The following MACROH2A2 variants were observed in gnomAD, a reference collection of about 807,000 sequenced individuals.
The protein encoded by MACROH2A2 is core histone macro-H2A.2.
Under a neutral mutation model 37.6 loss-of-function variants are expected in MACROH2A2, and 6 were observed. The observed-to-expected ratio is 0.16, with a 90% CI of 0.09 to 0.32. The LOEUF is 0.32. Among genes scored for constraint, MACROH2A2 ranks in the 10% least tolerant of loss-of-function variants. The pLI is 1.00. For missense variants in MACROH2A2, 290 were observed against 485.9 expected (o/e 0.60, Z 3.79); for synonymous variants, 192 against 202.7 (o/e 0.95, Z 0.45).
chr10:70,083,075 AG>A (rs1352675931), intron 2 of MACROH2A2, among the ~76,000 whole-genome samples: 1 of 151,788 alleles, frequency 6.6e-6, no homozygotes, highest in East Asian at 1.9e-4. Flanking sequence ...AACAGGGTAT[AG>A]CCCCCCTGCA....
chr10:70,094,987 C>T (rs904218967), intron 5 of MACROH2A2, among the ~76,000 whole-genome samples: 4 of 152,156 alleles, frequency 2.6e-5, no homozygotes, highest in Non-Finnish European at 4.4e-5. Flanking sequence ...CCCTGGGCTT[C>T]CTTGCAGGAG....
Position 70,100,281 on chromosome 10 carries a change from T to A in MACROH2A2, c.762T>A (p.Pro254=). The change falls in exon 7 of 9, where the codon CCT becomes CCA. Residue 254 remains proline, a synonymous_variant. Transcript: ENST00000373255. ...AGGAGCTTCGCAAATCCCAAGGCCC[T>A]TTGGAAGTCGCCGAAGGTAAGTGTG... ...TVKELRKSQG[P]LEVAEAAVSQ... The A allele has an allele frequency of 6.2e-7, 1 of 1,602,850 alleles. No homozygotes were observed. Among genetic ancestry groups the A allele is most frequent in the Non-Finnish European group, 8.5e-7 (1 of 1,170,740 alleles).
chr10:70,071,952 G>A (rs2072113734), intron 1 of MACROH2A2, among the ~76,000 whole-genome samples: 2 of 152,108 alleles, frequency 1.3e-5, no homozygotes. Context: ...TACCGTACAT[G>A]TTAGCTACAC....
chr10:70,088,275 TCACGCA>T (rs1394506537), intron 2 of MACROH2A2, among the ~76,000 whole-genome samples: 9 of 150,538 alleles, frequency 6.0e-5, no homozygotes, highest in African/African-American at 1.7e-4. Context: ...CACAGTACAT[TCACGCA>T]CACGCACACA....
At chr10:70,059,655 G>A (rs6480436) in intron 1 of MACROH2A2, among the ~76,000 whole-genome samples, 81 of 152,246 alleles carry the variant, frequency 5.3e-4, no homozygotes, top group African/African-American at 1.8e-3. Flanking sequence ...ACAGGCGTGA[G>A]CCACCGCGCC....
intron 4 of MACROH2A2, among the ~76,000 whole-genome samples, chr10:70,093,053 G>A (rs2072255790): frequency 6.6e-6 from 1 of 151,834 alleles, no homozygotes; most frequent in South Asian, 2.1e-4. Context: ...CCAGGCTGGA[G>A]TACAGTAATG....
intron 1 of MACROH2A2, among the ~76,000 whole-genome samples, chr10:70,073,990 G>A (rs1369893686): frequency 1.3e-5 from 2 of 152,080 alleles, no homozygotes; most frequent in Non-Finnish European, 2.9e-5. Flanking sequence ...ATTGACCTTG[G>A]GGAAGAGAGC....
chr10:70,100,559 G>A (rs1035155286), intron 7 of MACROH2A2, among the ~76,000 whole-genome samples: 4 of 151,742 alleles, frequency 2.6e-5, no homozygotes, highest in Non-Finnish European at 5.9e-5. Flanking sequence ...GGTGAACTTT[G>A]CATGTGTGTG....
rs560005334 is a variant in MACROH2A2 at position 70,111,848 on chromosome 10, G to A, written c.*165G>A. 3.1e-5 allele frequency: 14 copies of A among 455,972 alleles called. No homozygotes were observed. Among genetic ancestry groups the A allele is most frequent in the Admixed American group, 1.3e-4 (3 of 23,338 alleles). 28.2% of individuals were successfully genotyped at this position (455,972 alleles called of 1,614,324 possible). Reference sequence around the variant, plus strand: ...GCCCTTCACACTCTCCTCCAAAAGAGCCTCCATCTGTAAGGAAGCAGGTCT... The same window carrying A: ...GCCCTTCACACTCTCCTCCAAAAGAACCTCCATCTGTAAGGAAGCAGGTCT... On this transcript the variant is annotated 3_prime_UTR_variant, in exon 9 of 9. Coordinates refer to ENST00000373255, the MANE Select transcript of MACROH2A2 (RefSeq NM_018649.3).
In MACROH2A2 at chr10:70,053,458, G is replaced by A. The variant is rs1024075434; in HGVS notation, c.-60+458G>A. 1.3e-5 allele frequency among the ~76,000 whole-genome samples: 2 copies of A among 151,618 alleles called. No individual in the cohort carries two copies. Among genetic ancestry groups the A allele is most frequent in the Non-Finnish European group, 2.9e-5 (2 of 67,970 alleles). On this transcript the variant is annotated intron_variant, in intron 1 of 8. Transcript: ENST00000373255. This position sits in a 1 kb window ranked among gnomAD's most constrained non-coding sequence, Gnocchi z 4.8. ...CTGCGCAGGGCCCGAGGGAGCCCGG[G>A]GAGGGCCGCTCGGGGGCCTCTGAAG...
At chr10:70,064,466 T>A (rs2072067767) in intron 1 of MACROH2A2, among the ~76,000 whole-genome samples, 1 of 152,238 alleles carries the variant, frequency 6.6e-6, no homozygotes, top group Non-Finnish European at 1.5e-5. Flanking sequence ...ATTTGGGGGT[T>A]CTCAGTTCCT....
intron 2 of MACROH2A2, among the ~76,000 whole-genome samples, chr10:70,088,233 C>T (rs12244604): frequency 6.9e-4 from 105 of 151,996 alleles, no homozygotes; most frequent in South Asian, 2.7e-3. Context: ...CACACACACA[C>T]GCACATATGC....
chr10:70,054,606 C>T (rs922844980), intron 1 of MACROH2A2, among the ~76,000 whole-genome samples: 1 of 152,208 alleles, frequency 6.6e-6, no homozygotes, highest in African/African-American at 2.4e-5. Flanking sequence ...AGAGCGAGAA[C>T]GTGTCTTCGT....
Position 70,053,281 on chromosome 10 carries a change from G to T in MACROH2A2, c.-60+281G>T, listed in dbSNP as rs951592643. 1.4e-4 allele frequency among the ~76,000 whole-genome samples: 21 copies of T among 152,214 alleles called. No homozygotes were observed. Among genetic ancestry groups the T allele is most frequent in the African/African-American group, 4.8e-4 (20 of 41,564 alleles). ...GGGGGCGTCGAGGGTACTGAGAGGG[G>T]AAGGAGGAGGGATGCGAGGTTCAGC... On this transcript the variant is annotated intron_variant, in intron 1 of 8. Transcript: ENST00000373255. This position sits in a 1 kb window ranked among gnomAD's most constrained non-coding sequence, Gnocchi z 4.8.
Position 70,107,163 on chromosome 10 carries a change from G to A in MACROH2A2, c.779-1870G>A, listed in dbSNP as rs767384114. ...CTGGGTCCTGCACTCAGGCGTTCAC[G>A]TGTGATGACACTGAGCCCCGTCTAG... is the stretch of plus-strand genomic sequence containing the variant. On this transcript the variant is annotated intron_variant, in intron 7 of 8. Coordinates refer to ENST00000373255, the MANE Select transcript of MACROH2A2 (RefSeq NM_018649.3). The surrounding 1 kb of genome is among the most constrained non-coding windows in gnomAD (Gnocchi z 4.4). Among the ~76,000 whole-genome samples, 28 of 152,182 alleles carry A rather than the reference G, an allele frequency of 1.8e-4. No homozygotes were observed. Among genetic ancestry groups the A allele is most frequent in the Non-Finnish European group, 3.5e-4 (24 of 68,032 alleles).
chr10:70,056,174 C>T (rs1201138651), intron 1 of MACROH2A2, among the ~76,000 whole-genome samples: 1 of 152,298 alleles, frequency 6.6e-6, no homozygotes, highest in Non-Finnish European at 1.5e-5. Context: ...TCAAGAAGGG[C>T]TTTAGCCATA....
intron 1 of MACROH2A2, among the ~76,000 whole-genome samples, chr10:70,066,097 A>G (rs1325153585): frequency 6.6e-6 from 1 of 152,170 alleles, no homozygotes; most frequent in Non-Finnish European, 1.5e-5. Flanking sequence ...CTTGAAGCCA[A>G]GAGTTCACAG....
At chr10:70,099,212 T>A (rs2072292836) in intron 6 of MACROH2A2, 1 of 152,202 alleles carries the variant, frequency 6.6e-6, no homozygotes. Context: ...AGAAAACCCC[T>A]CTGCACGCCC....
In MACROH2A2 at chr10:70,053,545, C is replaced by A. The variant is rs1210183901; in HGVS notation, c.-60+545C>A. On this transcript the variant is annotated intron_variant, in intron 1 of 8. Transcript: ENST00000373255. The surrounding 1 kb of genome is among the most constrained non-coding windows in gnomAD (Gnocchi z 4.8). ...ATGGAGGGGGCGCGGAGCAGCCGGG[C>A]GGAGGTTAGGGACCCGAGTCCGGGG... Among the ~76,000 whole-genome samples the A allele has an allele frequency of 1.3e-5, 2 of 150,834 alleles. No individual in the cohort carries two copies. The highest frequency in any genetic ancestry group is 3.0e-5 in the Non-Finnish European group (2 of 67,624).
Sources: allele counts gnomAD v4.1 joint callset (sites outside exome capture counted in the v4.1 genomes callset), GRCh38; gene constraint gnomAD v4.1.1; non-coding constraint Gnocchi (gnomAD v3.1); transcripts MANE v1.5; gene names NCBI Gene and HGNC (gene_info 2026-07-23, HGNC 2026-07-21).